MGAT4A: variants seen among roughly 807,000 people sequenced by gnomAD.
The protein encoded by MGAT4A is N-acetylglucosaminyltransferase IVa.
A neutral mutation model predicts 74.1 loss-of-function variants in MGAT4A; 33 were observed. The ratio of observed to expected loss-of-function variants is 0.45; its 90% CI spans 0.34 to 0.60. The LOEUF (loss-of-function observed/expected upper bound fraction) is 0.60, where lower values mean the gene tolerates loss of function less well. Among genes scored for constraint, MGAT4A ranks in the 20% least tolerant of loss-of-function variants. The pLI is 0.02. For missense variants in MGAT4A, 479 were observed against 628.3 expected (o/e 0.76, Z 2.54); for synonymous variants, 198 against 210.4 (o/e 0.94, Z 0.51).
At chr2:98,668,809 T>A (rs930872556) in intron 4 of MGAT4A, among the ~76,000 whole-genome samples, 1 of 152,222 alleles carries the variant, frequency 6.6e-6, no homozygotes, top group Non-Finnish European at 1.5e-5. Context: ...TGCATCAGTG[T>A]GACCTGGACG....
intron 2 of MGAT4A, among the ~76,000 whole-genome samples, chr2:98,696,726 G>A (rs1702280028): frequency 6.6e-6 from 1 of 152,128 alleles, no homozygotes; most frequent in Non-Finnish European, 1.5e-5. Flanking sequence ...GCTAATCACT[G>A]GCTGTAGTCC....
At chr2:98,643,097 C>T (rs544378828) in intron 10 of MGAT4A, among the ~76,000 whole-genome samples, 1 of 152,098 alleles carries the variant, frequency 6.6e-6, no homozygotes, top group Non-Finnish European at 1.5e-5. Flanking sequence ...ATTGTTTATG[C>T]TTACATCAAA....
At position 98,640,007 on chromosome 2, in the gene MGAT4A, A is replaced by G; in HGVS notation, c.1129-6T>C. On this transcript the variant is annotated splice_region_variant and splice_polypyrimidine_tract_variant and intron_variant, in intron 11 of 15. Transcript: ENST00000393487. ...GGTTTCATATAATCTTTATCCTGGGAGCAAAGACATATATGCTATTAAATA... is the reference window on the plus strand; with the variant it reads ...GGTTTCATATAATCTTTATCCTGGGGGCAAAGACATATATGCTATTAAATA... 1.2e-6 allele frequency: 2 copies of G among 1,606,412 alleles called. No individual in the cohort carries two copies. The highest frequency in any genetic ancestry group is 8.5e-7 in the Non-Finnish European group (1 of 1,175,702).
intron 10 of MGAT4A, among the ~76,000 whole-genome samples, chr2:98,643,209 G>C (rs1046613503): frequency 2.0e-5 from 3 of 151,878 alleles, no homozygotes; most frequent in Admixed American, 2.0e-4. Flanking sequence ...TTTTTTTGTA[G>C]AGATGGGTCT....
intron 10 of MGAT4A, among the ~76,000 whole-genome samples, chr2:98,642,466 T>C (rs1220732786): frequency 6.6e-6 from 1 of 151,504 alleles, no homozygotes; most frequent in Non-Finnish European, 1.5e-5. Flanking sequence ...TACAGAAGAG[T>C]GAAGGAATGG....
At chr2:98,697,615 G>A (rs1365299154) in intron 2 of MGAT4A, among the ~76,000 whole-genome samples, 3 of 152,188 alleles carry the variant, frequency 2.0e-5, no homozygotes, top group African/African-American at 7.2e-5. Context: ...GGTGAAGTTT[G>A]CACTGTATCT....
At chr2:98,644,522 G>A (rs1168115304) in intron 9 of MGAT4A, among the ~76,000 whole-genome samples, 3 of 152,130 alleles carry the variant, frequency 2.0e-5, no homozygotes, top group Non-Finnish European at 4.4e-5. Context: ...GATTGTCAAA[G>A]GTCCAGCCTC....
chr2:98,730,713 C>T (rs1310994610), intron 1 of MGAT4A, among the ~76,000 whole-genome samples: 1 of 150,814 alleles, frequency 6.6e-6, no homozygotes, highest in Non-Finnish European at 1.5e-5. Flanking sequence ...GCACCAGGCG[C>T]CGAGCCGGCC....
intron 2 of MGAT4A, among the ~76,000 whole-genome samples, chr2:98,686,524 C>T (rs1287804925): frequency 6.6e-6 from 1 of 151,650 alleles, no homozygotes; most frequent in Non-Finnish European, 1.5e-5. Context: ...GTACCTATAA[C>T]ACAGGTTTTT....
chr2:98,680,881 A>C (rs2104292750), intron 2 of MGAT4A, among the ~76,000 whole-genome samples: 1 of 152,372 alleles, frequency 6.6e-6, no homozygotes, highest in Non-Finnish European at 1.5e-5. Context: ...TAATAGAATC[A>C]ATAAAATTAT....
At position 98,620,043 on chromosome 2, in the gene MGAT4A, C is replaced by CT. The variant is rs1457630823; in HGVS notation, c.*5522dup. ...AGATGCACCCTGGAGTGCCAGCTTG[C>CT]TCCTTCCTGTTTGTTCCTTTGAAAA... is the stretch of plus-strand genomic sequence containing the variant. On this transcript the variant is annotated 3_prime_UTR_variant, in exon 16 of 16. Transcript: ENST00000393487. 6.6e-6 allele frequency: 1 copy of CT among 152,220 alleles called. No homozygotes were observed. The highest frequency in any genetic ancestry group is 2.4e-5 in the African/African-American group (1 of 41,472). The allele number at this position is 152,220 out of a possible 1,614,324, so 9.4% of individuals were successfully genotyped here. A position where few individuals can be genotyped will look rare whatever the true frequency, so the allele number is the denominator to read the frequency against.
At chr2:98,625,877 A>G (rs781182037) in intron 14 of MGAT4A, 42 bp from the exon 15 acceptor site, 1 of 1,417,014 alleles carries the variant, frequency 7.1e-7, no homozygotes, top group Non-Finnish European at 9.9e-7. Context: ...CACCGAGATA[A>G]GCAAACATAA....
At chr2:98,659,848 C>T (rs1314264256) in intron 5 of MGAT4A, among the ~76,000 whole-genome samples, 2 of 151,976 alleles carry the variant, frequency 1.3e-5, no homozygotes, top group African/African-American at 2.4e-5. Context: ...AATACACCTA[C>T]CTATCAATTT....
chr2:98,662,524 T>C (rs1445505462), intron 5 of MGAT4A, among the ~76,000 whole-genome samples: 1 of 152,188 alleles, frequency 6.6e-6, no homozygotes, highest in African/African-American at 2.4e-5. Context: ...TGAAATTCTA[T>C]ACAATAATTA....
Position 98,622,436 on chromosome 2 carries a change from G to T in MGAT4A, c.*3130C>A. 1 of 985,420 alleles carries T rather than the reference G, an allele frequency of 1.0e-6. No individual in the cohort carries two copies. The highest frequency in any genetic ancestry group is 1.7e-5 in the African/African-American group (1 of 57,360). 61.0% of individuals were successfully genotyped at this position (985,420 alleles called of 1,614,324 possible). Reference sequence around the variant, plus strand: ...CCCCATGTGTCTACTGGCTATATGTGTTTTTAAAACTAGTCCCAACCTTTG... The same window carrying T: ...CCCCATGTGTCTACTGGCTATATGTTTTTTTAAAACTAGTCCCAACCTTTG... On this transcript the variant is annotated 3_prime_UTR_variant, in exon 16 of 16. Transcript: ENST00000393487.
chr2:98,715,729 C>T (rs928577009), intron 2 of MGAT4A, among the ~76,000 whole-genome samples: 2 of 151,940 alleles, frequency 1.3e-5, no homozygotes, highest in Non-Finnish European at 1.5e-5. Context: ...TACAACAAAC[C>T]CCGTAACACA....
chr2:98,643,780 C>T, intron 10 of MGAT4A, 143 bp downstream of exon 10: 1 of 729,408 alleles, frequency 1.4e-6, no homozygotes, highest in East Asian at 3.3e-5. Flanking sequence ...AAAAGTTCTT[C>T]TAATATAGAA....
At chr2:98,682,856 C>T (rs1172256802) in intron 2 of MGAT4A, among the ~76,000 whole-genome samples, 1 of 151,974 alleles carries the variant, frequency 6.6e-6, no homozygotes, top group Non-Finnish European at 1.5e-5. Context: ...GGAGCTGAGG[C>T]GGGTGGATCA....
At chr2:98,720,607 C>T (rs1242224678) in intron 2 of MGAT4A, among the ~76,000 whole-genome samples, 5 of 141,886 alleles carry the variant, frequency 3.5e-5, no homozygotes, top group African/African-American at 8.1e-5. Context: ...CTTGTGTGTG[C>T]GTGCACATGT....
Sources: gnomAD v4.1 joint callset for allele counts (sites outside exome capture counted in the v4.1 genomes callset) on GRCh38, gnomAD v4.1.1 for gene constraint, MANE v1.5 for transcripts, NCBI Gene and HGNC (gene_info 2026-07-23, HGNC 2026-07-21) for gene names.